Variants in CCSAP observed in about 807,000 individuals in gnomAD.
The protein encoded by CCSAP is centriole, cilia and spindle associated protein.
In CCSAP, 17 loss-of-function variants were observed where a neutral mutation model predicts 25.9. The observed-to-expected ratio is 0.66, with a 90% confidence interval of 0.45 to 0.99. The LOEUF is 0.99. Among genes scored for constraint, CCSAP ranks in the 50% least tolerant of loss-of-function variants. The pLI, the probability that CCSAP is intolerant of heterozygous loss-of-function variation, is 0.00. For missense variants in CCSAP, 339 were observed against 367.8 expected, an observed-to-expected ratio of 0.92 and a Z score of 0.64; for synonymous variants, 169 against 157.1, an observed-to-expected ratio of 1.08 and a Z score of -0.57.
chr1:229,333,656 C>A (rs575460276), intron 2 of CCSAP, among the ~76,000 whole-genome samples: 2 of 152,062 alleles, frequency 1.3e-5, no homozygotes, highest in South Asian at 4.2e-4. Context: ...GAGGCGGGTG[C>A]ATAGCCTGAA....
At chr1:229,341,075 T>A (rs1658320235) in intron 2 of CCSAP, among the ~76,000 whole-genome samples, 3 of 151,220 alleles carry the variant, frequency 2.0e-5, no homozygotes, top group African/African-American at 7.3e-5. Context: ...GTGCCTGTAA[T>A]CCCAGCTACT....
rs1353548702 is a variant in CCSAP, at chr1:229,322,216, T to A, written c.*3019A>T. The A allele has an allele frequency of 6.6e-6, 1 of 152,234 alleles. No homozygotes were observed. The highest frequency in any genetic ancestry group is 1.5e-5 in the Non-Finnish European group (1 of 68,048). The allele number at this position is 152,234 out of a possible 1,614,324, so 9.4% of individuals were successfully genotyped here. On this transcript the variant is annotated 3_prime_UTR_variant, in exon 4 of 4. Coordinates refer to ENST00000284617, the MANE Select transcript of CCSAP (RefSeq NM_145257.5). ...AGTGGAAGACCCTACAGATTTTTTT[T>A]AACTTACGAATTGTGCAGAATTATC...
chr1:229,342,214 G>A lies in CCSAP; in HGVS notation c.252C>T (p.Pro84=), dbSNP rs1164736472. Residue 84 remains proline, a synonymous_variant, in exon 2 of 4, where the codon CCC becomes CCT. Coordinates refer to ENST00000284617, the MANE Select transcript of CCSAP (RefSeq NM_145257.5). This position sits in a 1 kb window ranked among gnomAD's most constrained non-coding sequence, Gnocchi z 7.5. ...PRCAPPSPPP[P]VEPATQEEAE... is the part of the protein sequence containing the mutation. ...CCTCCTCCTGGGTCGCCGGCTCTAC[G>A]GGCGGCGGGGGCGAGGGCGGGGCGC... 4 of 1,251,588 alleles carry A rather than the reference G, an allele frequency of 3.2e-6. No homozygotes were observed. Among genetic ancestry groups the A allele is most frequent in the African/African-American group, 1.6e-5 (1 of 64,220 alleles). 77.5% of individuals were successfully genotyped at this position (1,251,588 alleles called of 1,614,324 possible).
intron 2 of CCSAP, among the ~76,000 whole-genome samples, chr1:229,327,766 G>T (rs366081): frequency 6.6e-6 from 1 of 151,460 alleles, no homozygotes; most frequent in African/African-American, 2.4e-5. Flanking sequence ...CTACTCGGGA[G>T]ACTGAGGCAG....
In CCSAP at chr1:229,342,257, C is replaced by T. The variant is rs772653642; in HGVS notation, c.209G>A (p.Gly70Glu). The change falls in exon 2 of 4, where the codon GGG (glycine) becomes GAG (glutamate). Residue 70 changes from glycine (G) to glutamate (E), a missense_variant. By Grantham distance (98) the Gly-to-Glu change is moderately conservative. Coordinates refer to ENST00000284617, the MANE Select transcript of CCSAP (RefSeq NM_145257.5). The surrounding 1 kb of genome is among the most constrained non-coding windows in gnomAD (Gnocchi z 7.5). ...CGGGGCGCACCGGGGTGCGGGGCCC[C>T]CGGCGCCCGACGACTCTGACGACGC... ...DSASSESSGAGGPAPRCAPPS... is the reference protein window; with the variant it reads ...DSASSESSGAEGPAPRCAPPS... 12 of 1,285,152 alleles carry T rather than the reference C, an allele frequency of 9.3e-6. No homozygotes were observed. The African/African-American group carries it at 1.9e-4, about 20-fold the overall frequency. 79.6% of individuals were successfully genotyped at this position (1,285,152 alleles called of 1,614,324 possible). A position where few individuals can be genotyped will look rare whatever the true frequency, so the allele number is the denominator to read the frequency against.
At chr1:229,339,916 TA>T (rs1325975185) in intron 2 of CCSAP, among the ~76,000 whole-genome samples, 2 of 151,450 alleles carry the variant, frequency 1.3e-5, no homozygotes, top group Non-Finnish European at 2.9e-5. Context: ...AGGAGAGCAG[TA>T]AAAAAGAATT....
At position 229,326,726 on chromosome 1, in the gene CCSAP, C is replaced by A; in HGVS notation, c.636+12G>T. ...CAAAGGGAACACAGAACCACAAGGG[C>A]CCAGAGCGCACCTCGTGCACAGGAG... On this transcript the variant is annotated intron_variant, in intron 3 of 3. Coordinates refer to ENST00000284617, the MANE Select transcript of CCSAP (RefSeq NM_145257.5). 6.2e-7 allele frequency: 1 copy of A among 1,613,350 alleles called. No individual in the cohort carries two copies. The highest frequency in any genetic ancestry group is 8.5e-7 in the Non-Finnish European group (1 of 1,179,434).
Position 229,326,764 on chromosome 1 carries a change from CGTT to C in CCSAP, c.607_609del (p.Asn203del). ...TCGTGCACAGGAGCGGACGCACAGA[CGTT>C]GTGAGTCTTCTGGCTTCCTGTATCG... On this transcript the variant is annotated inframe_deletion, in exon 3 of 4. Transcript: ENST00000284617. The C allele has an allele frequency of 1.9e-6, 3 of 1,614,232 alleles. No homozygotes were observed. Among genetic ancestry groups the C allele is most frequent in the Middle Eastern group, 1.6e-4 (1 of 6,062 alleles).
At chr1:229,336,868 C>G (rs1426459834) in intron 2 of CCSAP, among the ~76,000 whole-genome samples, 1 of 150,276 alleles carries the variant, frequency 6.7e-6, no homozygotes, top group Non-Finnish European at 1.5e-5. Context: ...ACATTATGGA[C>G]CAAAAATAGA....
At chr1:229,330,975 C>T (rs1045608248) in intron 2 of CCSAP, among the ~76,000 whole-genome samples, 17 of 152,064 alleles carry the variant, frequency 1.1e-4, no homozygotes, top group African/African-American at 3.9e-4. Context: ...GGAACCAGAC[C>T]CCAGCTGGCT....
At chr1:229,341,768 G>C (rs184439484) in intron 2 of CCSAP, among the ~76,000 whole-genome samples, 4 of 152,210 alleles carry the variant, frequency 2.6e-5, no homozygotes, top group Admixed American at 2.6e-4. Flanking sequence ...GAAATAAGCA[G>C]ATGGGACTCA....
At chr1:229,334,578 AAAGT>A (rs1571854785) in intron 2 of CCSAP, among the ~76,000 whole-genome samples, 1 of 152,168 alleles carries the variant, frequency 6.6e-6, no homozygotes, top group African/African-American at 2.4e-5. Flanking sequence ...AAAGAAAATT[AAAGT>A]AAGGAAAAAA....
At chr1:229,334,066 T>G (rs1658141675) in intron 2 of CCSAP, among the ~76,000 whole-genome samples, 1 of 151,962 alleles carries the variant, frequency 6.6e-6, no homozygotes, top group Non-Finnish European at 1.5e-5. Flanking sequence ...TGCATTAGGT[T>G]TTTTTGTTTG....
chr1:229,340,762 C>T, intron 2 of CCSAP: 3 of 259,944 alleles, frequency 1.2e-5, no homozygotes, highest in Admixed American at 5.4e-5. Context: ...CAACCCGGCT[C>T]ATAGCCGAAA....
In CCSAP at chr1:229,325,333, G is replaced by T; in HGVS notation, c.715C>A (p.His239Asn). 1 of 1,614,210 alleles carries T rather than the reference G, an allele frequency of 6.2e-7. No homozygotes were observed. The highest frequency in any genetic ancestry group is 8.5e-7 in the Non-Finnish European group (1 of 1,180,028). ...RKLVAQRQRA[H>N]SVDVEKNRKM... ...CTGTTCTTCTCCACATCCACAGAGT[G>T]AGCTCGCTGCCTTTGAGCAACCAGT... Residue 239 changes from histidine to asparagine, a missense_variant, in exon 4 of 4, where the codon CAC (histidine) becomes AAC (asparagine). Transcript: ENST00000284617.
chr1:229,330,459 G>GC (rs1185660232), intron 2 of CCSAP, among the ~76,000 whole-genome samples: 2 of 152,348 alleles, frequency 1.3e-5, no homozygotes, highest in African/African-American at 4.8e-5. Context: ...CACAGGCAAA[G>GC]AAAGGAGAAC....
At chr1:229,339,155 A>G (rs916029155) in intron 2 of CCSAP, among the ~76,000 whole-genome samples, 1 of 152,058 alleles carries the variant, frequency 6.6e-6, no homozygotes, top group South Asian at 2.1e-4. Flanking sequence ...AATTAAAAAC[A>G]TGAGTTTGTC....
rs113120291 is a variant in CCSAP at position 229,340,600 on chromosome 1, C to T, written c.367+1499G>A. On this transcript the variant is annotated intron_variant, in intron 2 of 3. Coordinates refer to ENST00000284617, the MANE Select transcript of CCSAP (RefSeq NM_145257.5). ...ATAATCTGGAAGGCATGTTCCCTAC[C>T]CCCTCCACCTTCTGTTATTTGCATT... The T allele has an allele frequency of 8.7e-4, 478 of 548,592 alleles. 3 individuals carry two copies. Among genetic ancestry groups the T allele is most frequent in the African/African-American group, 7.8e-3 (408 of 52,248 alleles). The allele number at this position is 548,592 out of a possible 1,614,324, so 34.0% of individuals were successfully genotyped here. A position where few individuals can be genotyped will look rare whatever the true frequency, so the allele number is the denominator to read the frequency against.
In CCSAP at chr1:229,342,312, AG is replaced by A. The variant is rs1263989094; in HGVS notation, c.153del (p.Trp52GlyfsTer34). 1 of 1,471,824 alleles carries A rather than the reference AG, an allele frequency of 6.8e-7. No homozygotes were observed. The highest frequency in any genetic ancestry group is 9.0e-7 in the Non-Finnish European group (1 of 1,113,014). The allele number at this position is 1,471,824 out of a possible 1,614,324, so 91.2% of individuals were successfully genotyped here. Reference sequence around the variant, plus strand: ...TCCTCCGAGGAGCCGGCCGGGCCCCAGTCGTCCCAGAGCCAGGGCGCGTGCG... The same window carrying A: ...TCCTCCGAGGAGCCGGCCGGGCCCCATCGTCCCAGAGCCAGGGCGCGTGCG... ...EQAHAPWLWD[D>X]WGPAGSSEDS... On this transcript the variant is annotated frameshift_variant, in exon 2 of 4. Coordinates refer to ENST00000284617, the MANE Select transcript of CCSAP (RefSeq NM_145257.5). LOFTEE classifies it high-confidence loss of function. This position sits in a 1 kb window ranked among gnomAD's most constrained non-coding sequence, Gnocchi z 7.5.
Sources: allele counts gnomAD v4.1 joint callset (sites outside exome capture counted in the v4.1 genomes callset), GRCh38; gene constraint gnomAD v4.1.1; non-coding constraint Gnocchi (gnomAD v3.1); transcripts MANE v1.5; gene names NCBI Gene and HGNC (gene_info 2026-07-23, HGNC 2026-07-21).